MGAT5: variants seen among roughly 807,000 people sequenced by gnomAD.
MGAT5 encodes the protein alpha-1,6-mannosylglycoprotein 6-beta-N-acetylglucosaminyltransferase A.
In MGAT5, 30 loss-of-function variants were observed where a neutral mutation model predicts 94.3. The observed-to-expected ratio is 0.32, with a 90% CI of 0.24 to 0.43. MGAT5 has a LOEUF of 0.43. Among genes scored for constraint, MGAT5 ranks in the 20% least tolerant of loss-of-function variants. MGAT5 has a pLI of 1.00. For synonymous variants in MGAT5, 310 were observed against 322.9 expected (o/e 0.96, Z 0.43); for missense variants, 691 against 905.5 (o/e 0.76, Z 3.04).
intron 4 of MGAT5, among the ~76,000 whole-genome samples, chr2:134,325,429 C>T (rs1029317298): frequency 6.6e-6 from 1 of 152,044 alleles, no homozygotes; most frequent in African/African-American, 2.4e-5. Context: ...GTTTAACAAA[C>T]TCCTGTGTGC....
At chr2:134,177,527 G>A (rs576431032) in intron 1 of MGAT5, among the ~76,000 whole-genome samples, 1 of 152,348 alleles carries the variant, frequency 6.6e-6, no homozygotes, top group African/African-American at 2.4e-5. Context: ...TGACAAGAGT[G>A]CGGATTTCAG....
At chr2:134,348,008 C>A (rs1332981825) in intron 8 of MGAT5, among the ~76,000 whole-genome samples, 1 of 152,236 alleles carries the variant, frequency 6.6e-6, no homozygotes, top group Non-Finnish European at 1.5e-5. Flanking sequence ...GTCCTCTCCT[C>A]CCACTTTTTG....
At chr2:134,442,393 GAGA>G (rs1685531192) in intron 15 of MGAT5, among the ~76,000 whole-genome samples, 1 of 152,118 alleles carries the variant, frequency 6.6e-6, no homozygotes, top group African/African-American at 2.4e-5. Context: ...GAGAAACATG[GAGA>G]AGGAGCCGGC....
chr2:134,426,205 ACTTC>A (rs112848952), intron 13 of MGAT5, among the ~76,000 whole-genome samples: 22 of 136,092 alleles, frequency 1.6e-4, no homozygotes, highest in African/African-American at 4.9e-4. Flanking sequence ...TGACTCACCG[ACTTC>A]CTTCCTTCCT....
At chr2:134,245,586 A>C (rs1682210132) in intron 1 of MGAT5, among the ~76,000 whole-genome samples, 1 of 152,128 alleles carries the variant, frequency 6.6e-6, no homozygotes, top group African/African-American at 2.4e-5. Context: ...TTGCCTCTAA[A>C]GCTGCTTTGC....
intron 1 of MGAT5, among the ~76,000 whole-genome samples, chr2:134,189,607 T>TTTTTTTTTGTTGTTG (rs1553490421): frequency 3.7e-5 from 3 of 80,618 alleles, no homozygotes; most frequent in Non-Finnish European, 7.0e-5. Context: ...TTTTTGTTTT[T>TTTTTTTTTGTTGTTG]TTTTTTTTTT....
At chr2:134,232,645 A>G (rs555337298) in intron 1 of MGAT5, among the ~76,000 whole-genome samples, 3 of 152,340 alleles carry the variant, frequency 2.0e-5, no homozygotes, top group Non-Finnish European at 2.9e-5. Flanking sequence ...GGAAGTTGAT[A>G]CTAACAGGTT....
chr2:134,282,026 A>C (rs1054686044), intron 2 of MGAT5, among the ~76,000 whole-genome samples: 8 of 152,216 alleles, frequency 5.3e-5, no homozygotes, highest in Non-Finnish European at 7.3e-5. Flanking sequence ...GGTTCACAGA[A>C]TCCTAACTCT....
chr2:134,209,197 T>C (rs1202589225), intron 1 of MGAT5, among the ~76,000 whole-genome samples: 1 of 20,192 alleles, frequency 5.0e-5, no homozygotes, highest in African/African-American at 1.3e-3. Context: ...TTAATTATTA[T>C]TATTATTATA....
intron 1 of MGAT5, among the ~76,000 whole-genome samples, chr2:134,168,471 C>T (rs1688054870): frequency 6.6e-6 from 1 of 152,136 alleles, no homozygotes; most frequent in Admixed American, 6.5e-5. Flanking sequence ...TGAATCTAAA[C>T]CTATTTAAGG....
chr2:134,260,702 C>CTTTTCT (rs746984897), intron 1 of MGAT5, among the ~76,000 whole-genome samples: 9,911 of 126,946 alleles, frequency 0.078, 809 homozygotes, highest in East Asian at 0.22. Flanking sequence ...TTTTCTTTTT[C>CTTTTCT]TTTTTTTTTT....
intron 10 of MGAT5, among the ~76,000 whole-genome samples, chr2:134,374,558 T>C (rs1173870517): frequency 6.6e-6 from 1 of 152,250 alleles, no homozygotes; most frequent in African/African-American, 2.4e-5. Context: ...AAATTATTTT[T>C]AATATATTTG....
At chr2:134,303,986 C>T (rs1686181877) in intron 2 of MGAT5, among the ~76,000 whole-genome samples, 1 of 152,166 alleles carries the variant, frequency 6.6e-6, no homozygotes, top group African/African-American at 2.4e-5. Flanking sequence ...CACTTTCCCT[C>T]ACTCTTTAGT....
intron 1 of MGAT5, among the ~76,000 whole-genome samples, chr2:134,145,563 G>T (rs1449240177): frequency 6.6e-6 from 1 of 152,112 alleles, no homozygotes; most frequent in Non-Finnish European, 1.5e-5. Context: ...GAGAACCTGG[G>T]ATGCAATTTT....
chr2:134,290,373 T>C (rs1389499211), intron 2 of MGAT5, among the ~76,000 whole-genome samples: 1 of 152,204 alleles, frequency 6.6e-6, no homozygotes, highest in Non-Finnish European at 1.5e-5. Context: ...AAGTAGATTA[T>C]AGGTTGAGGC....
At chr2:134,390,768 A>G in intron 10 of MGAT5, among the ~76,000 whole-genome samples, 1 of 152,088 alleles carries the variant, frequency 6.6e-6, no homozygotes. Context: ...AGTGAAATAT[A>G]ATGGTCACTG....
rs756429675 is a variant in MGAT5 at position 134,273,020 on chromosome 2, TGC to T, written c.406+2480_406+2481del. Among the ~76,000 whole-genome samples the T allele has an allele frequency of 8.7e-5, 13 of 149,714 alleles. No homozygotes were observed. The South Asian group carries it at 2.1e-3, about 25-fold the overall frequency. Reference sequence around the variant, plus strand: ...ATGTGTGTGTGTGTCTGTGTGTGTGTGCGCGCGCGCGTGCGCGTGCATGCATG... The same window carrying T: ...ATGTGTGTGTGTGTCTGTGTGTGTGTGCGCGCGCGTGCGCGTGCATGCATG... On this transcript the variant is annotated intron_variant, in intron 2 of 15. Coordinates refer to ENST00000281923, the MANE Select transcript of MGAT5 (RefSeq NM_002410.5).
chr2:134,301,499 A>T (rs1686016316), intron 2 of MGAT5, among the ~76,000 whole-genome samples: 1 of 152,122 alleles, frequency 6.6e-6, no homozygotes, highest in South Asian at 2.1e-4. Flanking sequence ...CTCTTGCCAG[A>T]GGTTTATAAA....
At chr2:134,184,897 C>T (rs1410838101) in intron 1 of MGAT5, among the ~76,000 whole-genome samples, 3 of 152,072 alleles carry the variant, frequency 2.0e-5, no homozygotes, top group Non-Finnish European at 2.9e-5. Context: ...CTTTTCTTTG[C>T]TCTGCAGTCA....
Sources: allele counts gnomAD v4.1 joint callset (sites outside exome capture counted in the v4.1 genomes callset), GRCh38; gene constraint gnomAD v4.1.1; transcripts MANE v1.5; gene names NCBI Gene and HGNC (gene_info 2026-07-23, HGNC 2026-07-21).